Variants in PRG2 observed in about 807,000 individuals in gnomAD.
The protein encoded by PRG2 is bone marrow proteoglycan.
PRG2 carries 23 observed loss-of-function variants against 24.7 expected under a neutral mutation model. The observed-to-expected ratio is 0.93, with a 90% confidence interval of 0.67 to 1.32. The LOEUF (loss-of-function observed/expected upper bound fraction) is 1.32. PRG2 is among the 40% of genes most tolerant of loss of function. PRG2 has a pLI of 0.00. For missense variants in PRG2, 271 were observed against 280.9 expected, an observed-to-expected ratio of 0.96 and a Z score of 0.25; for synonymous variants, 104 against 99.8, an observed-to-expected ratio of 1.04 and a Z score of -0.25.
At position 57,389,049 on chromosome 11, in the gene PRG2, G is replaced by A. The variant is rs771575600; in HGVS notation, c.327C>T (p.Tyr109=). ...ACGTCTGAAGACTTCTCACCAGGAGGTAGCGGCAGGTCTGGCACCCAGGGA... is the reference window on the plus strand; with the variant it reads ...ACGTCTGAAGACTTCTCACCAGGAGATAGCGGCAGGTCTGGCACCCAGGGA... ...VGIPGCQTCR[Y]LLVRSLQTFS... The change falls in exon 3 of 6, where the codon TAC becomes TAT. Residue 109 remains tyrosine (Y), a synonymous_variant. Transcript: ENST00000311862. 23 of 1,614,182 alleles carry A rather than the reference G, an allele frequency of 1.4e-5. No individual in the cohort carries two copies. Among genetic ancestry groups the A allele is most frequent in the Non-Finnish European group, 1.8e-5 (21 of 1,180,038 alleles).
chr11:57,387,420 G>C lies in PRG2; in HGVS notation c.*55C>G. On this transcript the variant is annotated 3_prime_UTR_variant, in exon 6 of 6. Coordinates refer to ENST00000311862, the MANE Select transcript of PRG2 (RefSeq NM_002728.6). ...GTGGAGGGAGGGATGGCAAGCAGAG[G>C]AGGGGAGGCAGCTGCCCAGGAGAGG... The C allele has an allele frequency of 6.7e-7, 1 of 1,482,674 alleles. No homozygotes were observed. The highest frequency in any genetic ancestry group is 9.3e-7 in the Non-Finnish European group (1 of 1,076,832). 91.8% of individuals were successfully genotyped at this position (1,482,674 alleles called of 1,614,324 possible). A position where few individuals can be genotyped will look rare whatever the true frequency, so the allele number is the denominator to read the frequency against.
chr11:57,388,868 A>G, intron 3 of PRG2, 142 bp downstream of exon 3: 2 of 1,414,946 alleles, frequency 1.4e-6, no homozygotes, highest in Admixed American at 4.4e-5. Flanking sequence ...CTCCCCTCTT[A>G]CCCCAACACC....
intron 2 of PRG2, 80 bp from the exon 3 acceptor site, chr11:57,389,397 G>T: frequency 1.4e-6 from 2 of 1,452,796 alleles, no homozygotes; most frequent in South Asian, 2.6e-5. Context: ...CTCACACCTT[G>T]CCCTGGGCAT....
At position 57,389,018 on chromosome 11, in the gene PRG2, G is replaced by C. The variant is rs1857104672; in HGVS notation, c.358C>G (p.Gln120Glu). 1 of 1,613,496 alleles carries C rather than the reference G, an allele frequency of 6.2e-7. No homozygotes were observed. Residue 120 changes from glutamine to glutamate, a missense_variant, in exon 3 of 6, where the codon CAA becomes GAA. Gln to Glu is a conservative substitution (Grantham distance 29). Coordinates refer to ENST00000311862, the MANE Select transcript of PRG2 (RefSeq NM_002728.6). ...LLVRSLQTFSQAWFTCRRCYR... is the reference protein window; with the variant it reads ...LLVRSLQTFSEAWFTCRRCYR... ...AGCCATAGGCCACTCACCCAAGCTT[G>C]ACTAAACGTCTGAAGACTTCTCACC...
Position 57,388,612 on chromosome 11 carries a change from C to G in PRG2, c.463G>C (p.Gly155Arg). Residue 155 changes from glycine to arginine, a missense_variant, in exon 4 of 6, where the codon GGT becomes CGT. Physicochemically the swap from Gly to Arg is moderately radical, Grantham distance 125. Transcript: ENST00000311862. Reference sequence around the variant, plus strand: ...ATCCTGCCTCCAATCCAGACTTGACCCTGGTTGAGCGCGCTGACAGAACAC... The same window carrying G: ...ATCCTGCCTCCAATCCAGACTTGACGCTGGTTGAGCGCGCTGACAGAACAC... The part of the protein sequence containing the change: ...IQCSVSALNQ[G>R]QVWIGGRITG... The G allele has an allele frequency of 6.2e-7, 1 of 1,613,862 alleles. No homozygotes were observed. Among genetic ancestry groups the G allele is most frequent in the Non-Finnish European group, 8.5e-7 (1 of 1,179,872 alleles).
chr11:57,387,326 A>G lies in PRG2; in HGVS notation c.*149T>C. ...AAGGAAGAAGTTTCAATGAGGGCTA[A>G]GCAGAGTGGATCCGCGATCAGAGGA... On this transcript the variant is annotated 3_prime_UTR_variant, in exon 6 of 6. Transcript: ENST00000311862. 1.5e-6 allele frequency: 1 copy of G among 684,894 alleles called. No individual in the cohort carries two copies. Among genetic ancestry groups the G allele is most frequent in the Non-Finnish European group, 2.5e-6 (1 of 398,164 alleles). 42.4% of individuals were successfully genotyped at this position (684,894 alleles called of 1,614,324 possible). A position where few individuals can be genotyped will look rare whatever the true frequency, so the allele number is the denominator to read the frequency against.
In PRG2 at chr11:57,388,720, G is replaced by A; in HGVS notation, c.367-12C>T. The A allele has an allele frequency of 1.2e-6, 2 of 1,613,136 alleles. No homozygotes were observed. The highest frequency in any genetic ancestry group is 1.1e-5 in the South Asian group (1 of 91,074). On this transcript the variant is annotated splice_polypyrimidine_tract_variant and intron_variant, in intron 3 of 5. Transcript: ENST00000311862. ...CTCCGGCAAGTAAACTACAGGGCAG[G>A]ATAAAAGACAAAGAATGGAGCATCC...
intron 2 of PRG2, among the ~76,000 whole-genome samples, 163 bp from the exon 3 acceptor site, chr11:57,389,480 C>A (rs1016983068): frequency 6.6e-6 from 1 of 152,178 alleles, no homozygotes; most frequent in Non-Finnish European, 1.5e-5. Context: ...AGCTGCCTGA[C>A]AAGGTCAAGG....
intron 1 of PRG2, 47 bp from the exon 2 acceptor site, chr11:57,390,003 G>GCA (rs754407736): frequency 8.2e-6 from 12 of 1,457,482 alleles, no homozygotes; most frequent in Admixed American, 5.3e-5. Context: ...AGACACACAT[G>GCA]CACACACATC....
intron 3 of PRG2, 55 bp downstream of exon 3, chr11:57,388,955 C>T (rs1857102674): frequency 1.3e-6 from 2 of 1,568,380 alleles, no homozygotes; most frequent in South Asian, 1.2e-5. Context: ...ATGCTGGGGG[C>T]ATATCCCACA....
At chr11:57,389,807 G>A (rs776118534) in intron 2 of PRG2, 80 bp downstream of exon 2, 1,039 of 1,239,944 alleles carry the variant, frequency 8.4e-4, no homozygotes, top group Non-Finnish European at 1.1e-3. Context: ...AAAGAAGGGG[G>A]TGGGTGTGTA....
intron 1 of PRG2, among the ~76,000 whole-genome samples, chr11:57,390,206 G>A (rs772466934): frequency 6.6e-6 from 1 of 152,126 alleles, no homozygotes; most frequent in Non-Finnish European, 1.5e-5. Context: ...CTTCAGGCCC[G>A]GAAGTAAAGA....
Position 57,387,624 on chromosome 11 carries a change from G to A in PRG2, c.611-91C>T, listed in dbSNP as rs115918260. The A allele has an allele frequency of 1.2e-4, 175 of 1,422,474 alleles. No homozygotes were observed. The African/African-American group carries it at 1.9e-3, about 16-fold the overall frequency. 88.1% of individuals were successfully genotyped at this position (1,422,474 alleles called of 1,614,324 possible). A position where few individuals can be genotyped will look rare whatever the true frequency, so the allele number is the denominator to read the frequency against. ...CCTCTTTTCCCACCCACACACTGCT[G>A]TGGAGTCAGAGTATATAAAAGACCC... On this transcript the variant is annotated intron_variant, in intron 5 of 5. Coordinates refer to ENST00000311862, the MANE Select transcript of PRG2 (RefSeq NM_002728.6).
chr11:57,390,043 T>G (rs1027300405), intron 1 of PRG2, 87 bp from the exon 2 acceptor site: 4 of 1,143,158 alleles, frequency 3.5e-6, no homozygotes, highest in South Asian at 1.5e-5. Context: ...ACCGTGGGAG[T>G]GAGGTGGAGA....
intron 3 of PRG2, 49 bp downstream of exon 3, chr11:57,388,961 C>T (rs1430399478): frequency 5.7e-6 from 9 of 1,579,944 alleles, no homozygotes; most frequent in Non-Finnish European, 6.9e-6. Flanking sequence ...GGGGCATATC[C>T]CACACCCGTT....
At chr11:57,388,940 T>C in intron 3 of PRG2, 70 bp downstream of exon 3, 2 of 1,542,090 alleles carry the variant, frequency 1.3e-6, no homozygotes, top group Non-Finnish European at 1.7e-6. Flanking sequence ...GAGCCAGTGA[T>C]AGCAATGCTG....
At chr11:57,388,782 A>G in intron 3 of PRG2, 74 bp from the exon 4 acceptor site, 1 of 1,567,114 alleles carries the variant, frequency 6.4e-7, no homozygotes. Flanking sequence ...GAGTCCCCAC[A>G]ATTCATTCCC....
chr11:57,387,589 C>T lies in PRG2; in HGVS notation c.611-56G>A, dbSNP rs1411872499. The stretch of plus-strand genomic sequence containing the variant: ...GCCTCTTGTCCATCCCAACTCAACC[C>T]ACAGGAGGGCCTCTTTTCCCACCCA... On this transcript the variant is annotated intron_variant, in intron 5 of 5. Coordinates refer to ENST00000311862, the MANE Select transcript of PRG2 (RefSeq NM_002728.6). The T allele has an allele frequency of 4.5e-6, 7 of 1,544,958 alleles. No homozygotes were observed. In the Admixed American group the frequency reaches 1.2e-4, roughly 26 times the overall value.
chr11:57,387,302 A>C lies in PRG2; in HGVS notation c.*173T>G. 1.7e-6 allele frequency: 1 copy of C among 572,522 alleles called. No homozygotes were observed. The highest frequency in any genetic ancestry group is 3.1e-6 in the Non-Finnish European group (1 of 325,222). The allele number at this position is 572,522 out of a possible 1,614,324, so 35.5% of individuals were successfully genotyped here. On this transcript the variant is annotated 3_prime_UTR_variant, in exon 6 of 6. Transcript: ENST00000311862. ...AGTTGTGGTGTGGGGAGAGATGATA[A>C]GGAAGAAGTTTCAATGAGGGCTAAG... is the stretch of plus-strand genomic sequence containing the variant.
Sources: gnomAD v4.1 joint callset for allele counts (sites outside exome capture counted in the v4.1 genomes callset) on GRCh38, gnomAD v4.1.1 for gene constraint, MANE v1.5 for transcripts, NCBI Gene and HGNC (gene_info 2026-07-23, HGNC 2026-07-21) for gene names.